EHBP1: variants seen among roughly 807,000 people sequenced by gnomAD.
EHBP1 encodes EH domain-binding protein 1.
A neutral mutation model predicts 144.0 loss-of-function variants in EHBP1; 55 were observed. The ratio of observed to expected loss-of-function variants is 0.38; its 90% CI spans 0.31 to 0.48. The LOEUF is 0.48. Among genes scored for constraint, EHBP1 ranks in the 20% least tolerant of loss-of-function variants. EHBP1 has a pLI of 0.98. For synonymous variants in EHBP1, 469 were observed against 472.7 expected (o/e 0.99, Z 0.10); for missense variants, 1,200 against 1,364.2 (o/e 0.88, Z 1.90).
intron 14 of EHBP1, among the ~76,000 whole-genome samples, chr2:62,972,038 G>A (rs937064251): frequency 5.3e-5 from 8 of 152,138 alleles, no homozygotes; most frequent in South Asian, 2.1e-4. Flanking sequence ...GGTTTCCTAT[G>A]TATTGGATTT....
intron 10 of EHBP1, among the ~76,000 whole-genome samples, chr2:62,882,804 C>G (rs543598722): frequency 1.3e-5 from 2 of 152,084 alleles, no homozygotes; most frequent in South Asian, 4.1e-4. Context: ...ATTGCTTGAA[C>G]CCAGGAGGCA....
chr2:62,869,645 AG>A (rs1420716152), intron 9 of EHBP1, among the ~76,000 whole-genome samples: 1 of 152,230 alleles, frequency 6.6e-6, no homozygotes. Context: ...GAGATTAAAA[AG>A]GGGCATGCAG....
chr2:62,875,522 A>C (rs2050822493), intron 10 of EHBP1, among the ~76,000 whole-genome samples: 1 of 152,222 alleles, frequency 6.6e-6, no homozygotes, highest in Non-Finnish European at 1.5e-5. Flanking sequence ...GATTAAAGGA[A>C]CATCAGCCCA....
chr2:62,969,113 A>G (rs980481004), intron 14 of EHBP1, among the ~76,000 whole-genome samples: 1 of 152,150 alleles, frequency 6.6e-6, no homozygotes, highest in African/African-American at 2.4e-5. Flanking sequence ...GGCTCAAACT[A>G]TTTCTGTTAG....
chr2:62,703,254 C>A (rs1401638085), upstream of EHBP1, among the ~76,000 whole-genome samples: 1 of 151,656 alleles, frequency 6.6e-6, no homozygotes, highest in Non-Finnish European at 1.5e-5. Flanking sequence ...GTAGTCCCAG[C>A]TACTCGGGAG....
chr2:63,023,684 A>G (rs950974501), intron 19 of EHBP1, among the ~76,000 whole-genome samples: 1 of 152,208 alleles, frequency 6.6e-6, no homozygotes, highest in Non-Finnish European at 1.5e-5. Flanking sequence ...TGTGTCAAGC[A>G]CTAACGTTTC....
chr2:63,026,335 TG>T (rs1158402671), intron 19 of EHBP1, among the ~76,000 whole-genome samples: 4 of 150,824 alleles, frequency 2.7e-5, no homozygotes, highest in African/African-American at 9.8e-5. Context: ...TGTGTGTGTG[TG>T]TGTGTGTGTC....
chr2:62,824,464 T>C (rs1456101062), intron 5 of EHBP1, among the ~76,000 whole-genome samples: 1 of 152,018 alleles, frequency 6.6e-6, no homozygotes, highest in Non-Finnish European at 1.5e-5. Context: ...TTCATTTTGC[T>C]CATTGTCAGA....
chr2:62,747,333 C>T (rs543343236), intron 2 of EHBP1, 62 bp from the exon 3 acceptor site: 40 of 1,494,696 alleles, frequency 2.7e-5, no homozygotes, highest in Middle Eastern at 2.4e-4. Context: ...CTTTTAAAGG[C>T]GCTAAAATGA....
chr2:62,804,454 T>G (rs879512527), intron 5 of EHBP1, among the ~76,000 whole-genome samples: 10 of 152,172 alleles, frequency 6.6e-5, no homozygotes, highest in Admixed American at 4.6e-4. Context: ...GATGAGAAAG[T>G]TTGTTGAAGA....
chr2:62,703,050 T>C (rs951959921), upstream of EHBP1, among the ~76,000 whole-genome samples: 6 of 152,192 alleles, frequency 3.9e-5, no homozygotes, highest in Admixed American at 6.5e-5. Flanking sequence ...ATGATCAGGC[T>C]GGAAGCAGTG....
rs116605472 is a variant in EHBP1 at position 62,974,073 on chromosome 2, C to G, written c.2461-5115C>G. Reference sequence around the variant, plus strand: ...GGATTTTTTTATGATTTTCTTGCATCTTCACTCTCACTATGCCTATTGCAT... The same window carrying G: ...GGATTTTTTTATGATTTTCTTGCATGTTCACTCTCACTATGCCTATTGCAT... On this transcript the variant is annotated intron_variant, in intron 14 of 22. Coordinates refer to ENST00000431489, the MANE Select transcript of EHBP1 (RefSeq NM_001142616.3). Among the ~76,000 whole-genome samples, 520 of 152,262 alleles carry G rather than the reference C, an allele frequency of 3.4e-3. 3 individuals carry two copies. Among genetic ancestry groups the G allele is most frequent in the Non-Finnish European group, 6.1e-3 (413 of 68,010 alleles).
At chr2:62,843,392 C>G (rs1231292888) in intron 7 of EHBP1, among the ~76,000 whole-genome samples, 1 of 151,834 alleles carries the variant, frequency 6.6e-6, no homozygotes, top group Non-Finnish European at 1.5e-5. Flanking sequence ...TAATTGAAAG[C>G]TCAGTAATTC....
rs1042273881 is a variant in EHBP1 at position 62,706,899 on chromosome 2, C to A, written c.-293C>A. The A allele has an allele frequency of 3.4e-6, 1 of 294,006 alleles. No individual in the cohort carries two copies. Among genetic ancestry groups the A allele is most frequent in the Non-Finnish European group, 6.4e-6 (1 of 155,358 alleles). 18.2% of individuals were successfully genotyped at this position (294,006 alleles called of 1,614,324 possible). ...TTTGTCTTTGTTTTGCTTTTCAGCC[C>A]TCCAGAATACCCATCATATAGCCCC... is the stretch of plus-strand genomic sequence containing the variant. On this transcript the variant is annotated splice_region_variant and 5_prime_UTR_variant, in exon 2 of 23. Transcript: ENST00000431489.
intron 11 of EHBP1, 112 bp downstream of exon 11, chr2:62,943,008 C>A: frequency 1.3e-6 from 1 of 783,316 alleles, no homozygotes; most frequent in Non-Finnish European, 1.9e-6. Context: ...TGTTTTATTA[C>A]CCCACCTCTT....
intron 14 of EHBP1, among the ~76,000 whole-genome samples, chr2:62,968,147 T>C (rs1026661617): frequency 2.0e-5 from 3 of 152,182 alleles, no homozygotes; most frequent in African/African-American, 7.2e-5. Context: ...TTTTGGGTCT[T>C]ATTCTGAGTA....
rs773895159 is a variant in EHBP1, at chr2:63,045,475, A to C, written c.3458A>C (p.Lys1153Thr). ...LEQNKGKMAK[K>T]EEKCVLQ ...CAAAACAAAGGCAAGATGGCCAAGA[A>C]AGAGGAGAAATGTGTTCTTCAGTAG... The change falls in exon 23 of 23, where the codon AAA becomes ACA. Residue 1153 changes from lysine to threonine, a missense_variant. By Grantham distance (78) the Lys-to-Thr change is moderately conservative (BLOSUM62 -1). Transcript: ENST00000431489. The surrounding 1 kb of genome is among the most constrained non-coding windows in gnomAD (Gnocchi z 5.7). 6.2e-7 allele frequency: 1 copy of C among 1,613,998 alleles called. No individual in the cohort carries two copies. Among genetic ancestry groups the C allele is most frequent in the African/African-American group, 1.3e-5 (1 of 74,946 alleles).
At chr2:62,724,098 T>G (rs769731788) in intron 2 of EHBP1, among the ~76,000 whole-genome samples, 9 of 152,252 alleles carry the variant, frequency 5.9e-5, no homozygotes, top group Non-Finnish European at 1.3e-4. Context: ...CCCATCTCTT[T>G]CAGGGATACC....
chr2:62,832,445 T>C (rs185352262), intron 7 of EHBP1, among the ~76,000 whole-genome samples: 1,630 of 149,918 alleles, frequency 0.011, 15 homozygotes, highest in Middle Eastern at 0.042. Context: ...TTTCTTTTTT[T>C]TTTTTTTTTT....
Sources: gnomAD v4.1 joint callset for allele counts (sites outside exome capture counted in the v4.1 genomes callset) on GRCh38, gnomAD v4.1.1 for gene constraint, Gnocchi (gnomAD v3.1) non-coding constraint, MANE v1.5 for transcripts, NCBI Gene and HGNC (gene_info 2026-07-23, HGNC 2026-07-21) for gene names.